The following TUT4 variants were observed in gnomAD, a reference collection of about 807,000 sequenced individuals.
The protein encoded by TUT4 is terminal uridylyl transferase 4, also known as terminal uridylyltransferase 4.
Under a neutral mutation model 192.2 loss-of-function variants are expected in TUT4, and 36 were observed. The observed-to-expected ratio is 0.19, with a 90% CI of 0.14 to 0.25. The LOEUF is 0.25. Ranked by LOEUF, TUT4 falls within the 10% of genes least tolerant of loss-of-function variation. The pLI, the probability that TUT4 is intolerant of heterozygous loss-of-function variation, is 1.00. For missense variants in TUT4, 1,493 were observed against 1,957.2 expected (o/e 0.76, Z 4.47); for synonymous variants, 618 against 666.0 (o/e 0.93, Z 1.11).
In TUT4 at chr1:52,458,245, C is replaced by T. The variant is rs879245716; in HGVS notation, c.3435+91G>A. ...CTTAGGACAACCATGATGGAAAAAT[C>T]CTTCATGATGACATGAACCAAGCAA... On this transcript the variant is annotated intron_variant, in intron 20 of 29. Coordinates refer to ENST00000257177, the MANE Select transcript of TUT4 (RefSeq NM_001009881.3). 2.3e-5 allele frequency: 18 copies of T among 779,932 alleles called. No individual in the cohort carries two copies. The South Asian group carries it at 4.0e-4, about 17-fold the overall frequency. 48.3% of individuals were successfully genotyped at this position (779,932 alleles called of 1,614,324 possible). A position where few individuals can be genotyped will look rare whatever the true frequency, so the allele number is the denominator to read the frequency against.
intron 1 of TUT4, among the ~76,000 whole-genome samples, chr1:52,552,692 TCAGGCCGCC>T (rs1011736478): frequency 3.3e-5 from 5 of 152,112 alleles, no homozygotes; most frequent in Admixed American, 1.3e-4. Flanking sequence ...AATGCCCTCC[TCAGGCCGCC>T]CAGGCCGCCG....
In TUT4 at chr1:52,497,216, A is replaced by C. The variant is rs994568497; in HGVS notation, c.1000-33T>G. 4.6e-6 allele frequency: 7 copies of C among 1,522,800 alleles called. No homozygotes were observed. In the African/African-American group the frequency reaches 1.0e-4, roughly 23 times the overall value. The allele number at this position is 1,522,800 out of a possible 1,614,324, so 94.3% of individuals were successfully genotyped here. ...TGTAATGATTCACAACAATAAAAACAAAAAAAGTTTCTATTTTAATTGTTC... is the reference window on the plus strand; with the variant it reads ...TGTAATGATTCACAACAATAAAAACCAAAAAAGTTTCTATTTTAATTGTTC... On this transcript the variant is annotated intron_variant, in intron 4 of 29. Coordinates refer to ENST00000257177, the MANE Select transcript of TUT4 (RefSeq NM_001009881.3).
intron 9 of TUT4, among the ~76,000 whole-genome samples, chr1:52,483,353 T>A (rs1026440777): frequency 2.1e-4 from 32 of 152,150 alleles, no homozygotes; most frequent in Non-Finnish European, 3.4e-4. Context: ...ATTTGAAAGA[T>A]GTTATTTTTC....
intron 29 of TUT4, chr1:52,424,364 ATACAGGGATGCCCCAGTAG>A: frequency 3.9e-6 from 1 of 253,472 alleles, no homozygotes; most frequent in South Asian, 5.0e-5. Flanking sequence ...CCACTCTACA[ATACAGGGATGCCCCAGTAG>A]TATATGGGTG....
At chr1:52,441,725 G>A (rs1655635612) in intron 24 of TUT4, among the ~76,000 whole-genome samples, 1 of 152,070 alleles carries the variant, frequency 6.6e-6, no homozygotes, top group Non-Finnish European at 1.5e-5. Flanking sequence ...GTTTATGACT[G>A]TACTATATAC....
chr1:52,523,911 T>G (rs1229003498), intron 2 of TUT4, among the ~76,000 whole-genome samples: 2 of 152,184 alleles, frequency 1.3e-5, no homozygotes, highest in African/African-American at 4.8e-5. Context: ...TGGCAAATAA[T>G]GATTCAGAAA....
At chr1:52,435,967 G>A (rs1015378070) in intron 26 of TUT4, among the ~76,000 whole-genome samples, 4 of 151,774 alleles carry the variant, frequency 2.6e-5, no homozygotes, top group African/African-American at 7.3e-5. Flanking sequence ...GTAAGAATCT[G>A]AGTAACTGGA....
intron 28 of TUT4, among the ~76,000 whole-genome samples, chr1:52,429,617 A>C (rs549391198): frequency 2.0e-5 from 3 of 149,950 alleles, no homozygotes; most frequent in African/African-American, 7.4e-5. Context: ...TTTTTGAGAG[A>C]GTCTCACTCT....
chr1:52,530,390 G>C (rs1326777856), intron 1 of TUT4, among the ~76,000 whole-genome samples: 1 of 151,908 alleles, frequency 6.6e-6, no homozygotes, highest in East Asian at 1.9e-4. Context: ...TGGGGTACAA[G>C]AGATGTTCCA....
chr1:52,498,525 T>C (rs1028666887), intron 4 of TUT4, among the ~76,000 whole-genome samples: 1 of 152,012 alleles, frequency 6.6e-6, no homozygotes, highest in East Asian at 2.0e-4. Context: ...ATTACAGGCG[T>C]GAGCCACAGC....
chr1:52,523,523 G>A (rs1050999778), intron 2 of TUT4, among the ~76,000 whole-genome samples: 5 of 151,796 alleles, frequency 3.3e-5, no homozygotes, highest in African/African-American at 1.2e-4. Context: ...AACGTGGGAG[G>A]CAGAAGTTGC....
intron 14 of TUT4, among the ~76,000 whole-genome samples, chr1:52,470,254 C>T (rs181275932): frequency 1.5e-4 from 23 of 152,066 alleles, no homozygotes; most frequent in Non-Finnish European, 2.6e-4. Flanking sequence ...AAAGAGTTCC[C>T]AATGGCCAAA....
At chr1:52,436,009 T>C (rs1191855503) in intron 26 of TUT4, among the ~76,000 whole-genome samples, 2 of 152,214 alleles carry the variant, frequency 1.3e-5, no homozygotes, top group Non-Finnish European at 2.9e-5. Flanking sequence ...CTCTTATTTT[T>C]TTTTAATAAA....
rs1557771350 is a variant in TUT4, at chr1:52,475,121, T to C, written c.2438A>G (p.Asp813Gly). ...AGGCGCTAAATCATCTTGTTTCTTA[T>C]CTAATTTTGGCTCTATTTCACTGCT... is the stretch of plus-strand genomic sequence containing the variant. ...SKSSEIEPKL[D>G]KKQDDLAPSE... The change falls in exon 13 of 30, where the codon GAT becomes GGT. Residue 813 changes from aspartate to glycine, a missense_variant. Around this residue, in one of 7 missense-constraint regions of TUT4, gnomAD observed 245 missense variants for 218.4 expected, o/e 1.12. Coordinates refer to ENST00000257177, the MANE Select transcript of TUT4 (RefSeq NM_001009881.3). 1 of 1,614,058 alleles carries C rather than the reference T, an allele frequency of 6.2e-7. No homozygotes were observed. Among genetic ancestry groups the C allele is most frequent in the Non-Finnish European group, 8.5e-7 (1 of 1,180,034 alleles).
At chr1:52,541,208 TAAAAAAAAA>T (rs548079594) in intron 1 of TUT4, among the ~76,000 whole-genome samples, 1 of 84,602 alleles carries the variant, frequency 1.2e-5, no homozygotes, top group Admixed American at 1.2e-4. Context: ...GACTCTGTCT[TAAAAAAAAA>T]AAAAAAAAAA....
intron 14 of TUT4, among the ~76,000 whole-genome samples, chr1:52,471,549 A>G (rs1371810560): frequency 6.6e-6 from 1 of 152,234 alleles, no homozygotes; most frequent in South Asian, 2.1e-4. Flanking sequence ...GCAGTGATGA[A>G]AATGTTCTCT....
intron 9 of TUT4, among the ~76,000 whole-genome samples, chr1:52,484,729 C>A (rs921820394): frequency 1.3e-5 from 2 of 152,094 alleles, no homozygotes; most frequent in Non-Finnish European, 2.9e-5. Flanking sequence ...ATCTATTTTT[C>A]TATTTCTATG....
intron 20 of TUT4, among the ~76,000 whole-genome samples, chr1:52,454,966 T>C (rs540922293): frequency 6.6e-6 from 1 of 152,296 alleles, no homozygotes; most frequent in Admixed American, 6.5e-5. Context: ...TTCCGCATAA[T>C]GTCATCAGGG....
At position 52,472,094 on chromosome 1, in the gene TUT4, C is replaced by A. The variant is rs749213533; in HGVS notation, c.2736G>T (p.Thr912=). ...KFILTSGKPP[T]IVCSICKKDG... The stretch of plus-strand genomic sequence containing the variant: ...CCTTTTTGCAGATGCTGCATACTAT[C>A]GTTGGTGGCTACACAAAGATAAAAA... The change falls in exon 14 of 30, where the codon ACG becomes ACT. Residue 912 remains threonine, a synonymous_variant. Transcript: ENST00000257177. 92 of 1,612,970 alleles carry A rather than the reference C, an allele frequency of 5.7e-5. No homozygotes were observed. The highest frequency in any genetic ancestry group is 7.6e-5 in the Non-Finnish European group (90 of 1,179,684).
Sources: allele counts gnomAD v4.1 joint callset (sites outside exome capture counted in the v4.1 genomes callset), GRCh38; gene constraint gnomAD v4.1.1; regional missense constraint gnomAD v4.1.1; transcripts MANE v1.5; gene names NCBI Gene and HGNC (gene_info 2026-07-23, HGNC 2026-07-21).